SNX25: variants seen among roughly 807,000 people sequenced by gnomAD.
SNX25 encodes the protein sorting nexin 25.
In SNX25, 62 loss-of-function variants were observed where a neutral mutation model predicts 113.7. That is an observed-to-expected ratio of 0.55 (90% CI 0.44 to 0.67). SNX25 has a LOEUF of 0.67. Among genes scored for constraint, SNX25 ranks in the 30% least tolerant of loss-of-function variants. SNX25 has a pLI of 0.00. For missense variants in SNX25, 1,014 were observed against 1,161.0 expected, an observed-to-expected ratio of 0.87 and a Z score of 1.84; for synonymous variants, 421 against 436.2, an observed-to-expected ratio of 0.97 and a Z score of 0.43.
At chr4:185,374,929 G>A (rs560603172), downstream of SNX25, among the ~76,000 whole-genome samples, 2 of 152,080 alleles carry the variant, frequency 1.3e-5, no homozygotes, top group African/African-American at 4.8e-5. Context: ...TGTGCTCATA[G>A]TTTGTATCTA....
intron 1 of SNX25, among the ~76,000 whole-genome samples, chr4:185,235,442 A>C (rs1282779530): frequency 6.6e-6 from 1 of 152,170 alleles, no homozygotes; most frequent in Non-Finnish European, 1.5e-5. Flanking sequence ...CTGGGCTTTC[A>C]AGGGACATGG....
chr4:185,375,869 T>C, the SNX25 span: 2 of 484,558 alleles, frequency 4.1e-6, no homozygotes, highest in South Asian at 6.0e-5. Flanking sequence ...TGCCCCACGC[T>C]GAGGAAGCAT....
the SNX25 span, chr4:185,376,835 C>G: frequency 2.0e-6 from 2 of 1,014,940 alleles, no homozygotes; most frequent in South Asian, 1.4e-5. Context: ...GTAAGAAACT[C>G]TACATGAAAT....
intron 5 of SNX25, among the ~76,000 whole-genome samples, chr4:185,287,555 A>G (rs968294735): frequency 1.3e-5 from 2 of 152,254 alleles, no homozygotes; most frequent in East Asian, 3.8e-4. Context: ...ACAAGCCCAC[A>G]GGTACCGTGG....
At chr4:185,239,284 C>G (rs182806054) in intron 1 of SNX25, among the ~76,000 whole-genome samples, 28 of 151,694 alleles carry the variant, frequency 1.8e-4, no homozygotes, top group East Asian at 3.9e-4. Context: ...GAGATCGAGA[C>G]CATCCTGGCC....
At chr4:185,353,014 G>A (rs1253885215) in intron 14 of SNX25, 1 of 156,052 alleles carries the variant, frequency 6.4e-6, no homozygotes, top group East Asian at 1.9e-4. Flanking sequence ...GAAACCTGCT[G>A]ATGCGCAGAT....
chr4:185,300,609 T>C (rs1753524191), intron 6 of SNX25, among the ~76,000 whole-genome samples: 1 of 152,152 alleles, frequency 6.6e-6, no homozygotes, highest in South Asian at 2.1e-4. Context: ...TGATGTGATC[T>C]GATTTTCTAA....
intron 6 of SNX25, among the ~76,000 whole-genome samples, chr4:185,300,223 G>T (rs7656257): frequency 1.5e-4 from 23 of 151,566 alleles, no homozygotes; most frequent in Non-Finnish European, 2.2e-4. Context: ...GCGATGGCAC[G>T]ATCTCAGCTC....
chr4:185,332,187 A>C (rs1447230537), intron 9 of SNX25, among the ~76,000 whole-genome samples: 4 of 152,208 alleles, frequency 2.6e-5, no homozygotes, highest in African/African-American at 9.7e-5. Context: ...TTTCTTTTAG[A>C]GGGGCTTGCA....
chr4:185,333,677 G>C (rs1408270635), intron 10 of SNX25, among the ~76,000 whole-genome samples: 2 of 152,146 alleles, frequency 1.3e-5, no homozygotes, highest in Non-Finnish European at 2.9e-5. Flanking sequence ...GTCCTGCAAA[G>C]GTGTGTTGTC....
chr4:185,317,204 C>A (rs1182223026), intron 7 of SNX25, among the ~76,000 whole-genome samples: 1 of 152,112 alleles, frequency 6.6e-6, no homozygotes, highest in South Asian at 2.1e-4. Flanking sequence ...ATGTGGCCAA[C>A]AAACATATGA....
At chr4:185,237,084 G>A (rs981291978) in intron 1 of SNX25, among the ~76,000 whole-genome samples, 6 of 152,166 alleles carry the variant, frequency 3.9e-5, no homozygotes, top group South Asian at 2.1e-4. Flanking sequence ...GAGAAAACTT[G>A]TAGGTTGAAT....
At chr4:185,337,251 C>G (rs1041637213) in intron 10 of SNX25, among the ~76,000 whole-genome samples, 9 of 152,148 alleles carry the variant, frequency 5.9e-5, no homozygotes, top group Non-Finnish European at 1.3e-4. Context: ...CCATTTTCCC[C>G]TCCCTCATGC....
intron 1 of SNX25, among the ~76,000 whole-genome samples, chr4:185,241,262 G>C (rs943279770): frequency 6.6e-6 from 1 of 152,096 alleles, no homozygotes; most frequent in Admixed American, 6.5e-5. Flanking sequence ...GATCACTCGC[G>C]GTTAGGAGCT....
At chr4:185,294,187 G>A (rs992292676) in intron 6 of SNX25, among the ~76,000 whole-genome samples, 2 of 152,172 alleles carry the variant, frequency 1.3e-5, no homozygotes, top group African/African-American at 4.8e-5. Flanking sequence ...TATCAAGCAC[G>A]CATAAATGCA....
chr4:185,237,419 T>G lies in SNX25; in HGVS notation c.430-9875T>G, dbSNP rs143842388. 5.3e-3 allele frequency among the ~76,000 whole-genome samples: 811 copies of G among 152,320 alleles called. 5 individuals are homozygous for G. Among genetic ancestry groups the G allele is most frequent in the Non-Finnish European group, 8.2e-3 (561 of 68,026 alleles). On this transcript the variant is annotated intron_variant, in intron 1 of 18. Coordinates refer to ENST00000652585, the MANE Select transcript of SNX25 (RefSeq NM_001378034.2). The stretch of plus-strand genomic sequence containing the variant: ...AGCACATCCTCAAAGGCAAAAATAC[T>G]TCAAGAATTATGTGCTCTGTTATGC...
chr4:185,372,948 T>G, downstream of SNX25: 1 of 1,614,048 alleles, frequency 6.2e-7, no homozygotes, highest in East Asian at 2.2e-5. Context: ...CGCGTTCTGC[T>G]GCTTCTCTTA....
intron 2 of SNX25, among the ~76,000 whole-genome samples, chr4:185,256,086 T>C (rs13111968): frequency 0.34 from 51,688 of 152,076 alleles, 10,632 homozygotes; most frequent in East Asian, 0.56. Context: ...GTTTTGCTTT[T>C]GTTTTACCTT....
intron 6 of SNX25, among the ~76,000 whole-genome samples, chr4:185,298,136 T>A (rs1441255867): frequency 1.4e-5 from 2 of 143,590 alleles, no homozygotes; most frequent in African/African-American, 5.2e-5. Flanking sequence ...TCACCCAGAC[T>A]GCAGTGCAAT....
Sources: gnomAD v4.1 joint callset for allele counts (sites outside exome capture counted in the v4.1 genomes callset) on GRCh38, gnomAD v4.1.1 for gene constraint, MANE v1.5 for transcripts, NCBI Gene and HGNC (gene_info 2026-07-23, HGNC 2026-07-21) for gene names.